The following KDM5C variants were observed in gnomAD, a reference collection of about 807,000 sequenced individuals.
The protein encoded by KDM5C is lysine demethylase 5C, also known as lysine-specific demethylase 5C.
Under a neutral mutation model 110.6 loss-of-function variants are expected in KDM5C, and 16 were observed. That is an observed-to-expected ratio of 0.14 (90% CI 0.10 to 0.22). The LOEUF is 0.22. Ranked by LOEUF, KDM5C falls within the 10% of genes least tolerant of loss-of-function variation. The pLI, the probability that KDM5C is intolerant of heterozygous loss-of-function variation, is 1.00. For missense variants in KDM5C, 681 were observed against 1,300.9 expected (o/e 0.52, Z 7.33); for synonymous variants, 511 against 520.4 (o/e 0.98, Z 0.24).
chrX:53,195,208 T>A (rs368155745), intron 21 of KDM5C, 23 bp downstream of exon 21: 4 of 1,190,116 alleles, frequency 3.4e-6, no homozygotes, highest in Non-Finnish European at 4.5e-6. Context: ...AGAGACGCTG[T>A]AGGTCAAGGT....
intron 5 of KDM5C, 134 bp from the exon 6 acceptor site, chrX:53,216,331 A>C: frequency 7.4e-6 from 7 of 945,256 alleles, no homozygotes; most frequent in Non-Finnish European, 1.0e-5. Context: ...TAAGCCAAGA[A>C]CTCAGAGTTG....
chrX:53,182,824 T>C (rs1397047957), intron 25 of KDM5C, among the ~76,000 whole-genome samples: 2 of 112,542 alleles, frequency 1.8e-5, no homozygotes, highest in Non-Finnish European at 3.7e-5. Context: ...TGTCCTTTGA[T>C]GCACAAAATT....
chrX:53,201,523 G>A (rs2073138580), intron 14 of KDM5C, 27 bp downstream of exon 14: 3 of 1,197,374 alleles, frequency 2.5e-6, no homozygotes, highest in Non-Finnish European at 3.4e-6. Flanking sequence ...CCAGAATAGG[G>A]TGCTTGATCT....
At chrX:53,191,414 T>C (rs1441429721), downstream of KDM5C, 3 of 173,949 alleles carry the variant, frequency 1.7e-5, no homozygotes, top group Non-Finnish European at 3.3e-5. Flanking sequence ...AGTTTCTTTC[T>C]GCAGTGATGA....
chrX:53,214,867 A>C lies in KDM5C; in HGVS notation c.964-20T>G. ...CTCAATCTGCCAGGGGAGAAGAGCAAAAGTTCTCCATTGGAAATCCACTGT... is the reference window on the plus strand; with the variant it reads ...CTCAATCTGCCAGGGGAGAAGAGCACAAGTTCTCCATTGGAAATCCACTGT... On this transcript the variant is annotated intron_variant, in intron 7 of 25. Transcript: ENST00000375401. 11 of 1,207,950 alleles carry C rather than the reference A, an allele frequency of 9.1e-6. No homozygotes were observed. The highest frequency in any genetic ancestry group is 1.2e-5 in the Non-Finnish European group (11 of 892,705).
Position 53,203,053 on chromosome X carries a change from G to A in KDM5C, c.1747-1080C>T, listed in dbSNP as rs782804538. Among the ~76,000 whole-genome samples, 91 of 110,942 alleles carry A rather than the reference G, an allele frequency of 8.2e-4. 1 individual carries two copies. The South Asian group carries it at 0.035, about 42-fold the overall frequency. On this transcript the variant is annotated intron_variant, in intron 12 of 25. Transcript: ENST00000375401. ...GATCTCCTGACCTCGTGATCCGCCC[G>A]CCTCGGCCTCCCAAAGTGCTGGGAT...
intron 12 of KDM5C, among the ~76,000 whole-genome samples, chrX:53,209,380 A>G: frequency 9.0e-6 from 1 of 111,212 alleles, no homozygotes; most frequent in East Asian, 2.8e-4. Flanking sequence ...CCTTGGTTAA[A>G]TATCACTAAA....
At chrX:53,197,926 T>A in intron 17 of KDM5C, 50 bp from the exon 18 acceptor site, 1 of 905,806 alleles carries the variant, frequency 1.1e-6, no homozygotes, top group Non-Finnish European at 1.6e-6. Flanking sequence ...GTGCCTTCCC[T>A]CCATGTCTAT....
chrX:53,193,017 G>T lies in KDM5C; in HGVS notation c.4633C>A (p.Pro1545Thr). The T allele has an allele frequency of 3.4e-6, 4 of 1,190,165 alleles. No homozygotes were observed. The highest frequency in any genetic ancestry group is 3.0e-5 in the East Asian group (1 of 33,500). ...TGTGGGCAGGGCAGATGCAGCCGGG[G>T]AGTCAGAGTGGAGAAAGGGGCCGAG... ...GPSAPFSTLT[P>T]RLHLPCPQQP... is the part of the protein sequence containing the mutation. Residue 1545 changes from proline (P) to threonine (T), a missense_variant, in exon 26 of 26, where the codon CCC becomes ACC. Pro to Thr is a conservative substitution (Grantham distance 38). Around this residue, in one of 14 missense-constraint regions of KDM5C, gnomAD observed 115 missense variants for 120.9 expected, o/e 0.95. Coordinates refer to ENST00000375401, the MANE Select transcript of KDM5C (RefSeq NM_004187.5).
At chrX:53,194,051 T>C in intron 23 of KDM5C, 88 bp downstream of exon 23, 1 of 1,119,320 alleles carries the variant, frequency 8.9e-7, no homozygotes. Flanking sequence ...AACTGAAAAT[T>C]GGAGAACAAG....
In KDM5C at chrX:53,217,341, C is replaced by T. The variant is rs2073774427; in HGVS notation, c.523-64G>A. 3 of 1,169,894 alleles carry T rather than the reference C, an allele frequency of 2.6e-6. No homozygotes were observed. The African/African-American group carries it at 5.3e-5, about 20-fold the overall frequency. ...CCAGCCCGCAAAAGCAATAACTTCC[C>T]TCTACCCTCACCCAATGGCATCCAA... is the stretch of plus-strand genomic sequence containing the variant. On this transcript the variant is annotated intron_variant, in intron 4 of 25. Transcript: ENST00000375401.
At chrX:53,194,783 C>T (rs1466579167) in intron 22 of KDM5C, 45 bp from the exon 23 acceptor site, 2 of 1,205,560 alleles carry the variant, frequency 1.7e-6, no homozygotes, top group African/African-American at 3.5e-5. Context: ...CAGCCTACCC[C>T]TTCCCTTCTC....
At chrX:53,197,707 C>A (rs2072999969) in intron 18 of KDM5C, 64 bp downstream of exon 18, 1 of 915,797 alleles carries the variant, frequency 1.1e-6, no homozygotes, top group Non-Finnish European at 1.6e-6. Flanking sequence ...AGGAGCCAAG[C>A]ATGGCCTGCT....
chrX:53,185,801 C>T (rs1040564631), intron 25 of KDM5C, among the ~76,000 whole-genome samples: 1 of 111,796 alleles, frequency 8.9e-6, no homozygotes, highest in African/African-American at 3.3e-5. Context: ...CCCCAATAAT[C>T]TTCTACTCTG....
intron 12 of KDM5C, among the ~76,000 whole-genome samples, chrX:53,206,116 G>T (rs2073320392): frequency 8.9e-6 from 1 of 112,208 alleles, no homozygotes; most frequent in Non-Finnish European, 1.9e-5. Context: ...AACTCAAAAG[G>T]TTCATCAACT....
At chrX:53,218,765 A>C in intron 2 of KDM5C, 3 of 288,196 alleles carry the variant, frequency 1.0e-5, no homozygotes, top group Non-Finnish European at 2.0e-5. Flanking sequence ...TGTAGCAATG[A>C]AGTTTCACCA....
chrX:53,181,694 A>AAAAAAG (rs1934057815), intron 25 of KDM5C, among the ~76,000 whole-genome samples: 1 of 108,993 alleles, frequency 9.2e-6, no homozygotes, highest in Non-Finnish European at 1.9e-5. Flanking sequence ...AAAAAAAAAA[A>AAAAAAG]AAAAAGAAAA....
rs370077235 is a variant in KDM5C, at chrX:53,210,552, C to G, written c.1608G>C (p.Gly536=). ...AATGTTCTGCTGCAAGTGAGGGCAC[C>G]CCATACCAGGTCTTCGGCTCACCCC... The part of the protein sequence containing the change: ...LHWGEPKTWY[G]VPSLAAEHLE... Residue 536 remains glycine (G), a synonymous_variant, in exon 12 of 26, where the codon GGG becomes GGC. Transcript: ENST00000375401. 1 of 1,210,144 alleles carries G rather than the reference C, an allele frequency of 8.3e-7. No homozygotes were observed. Among genetic ancestry groups the G allele is most frequent in the African/African-American group, 1.8e-5 (1 of 57,139 alleles).
Position 53,213,513 on chromosome X carries a change from A to C in KDM5C, c.1122+1176T>G, listed in dbSNP as rs953139937. On this transcript the variant is annotated intron_variant, in intron 8 of 25. Transcript: ENST00000375401. ...TGGGTGAAGGTAGGAAGTTCATGAA[A>C]TGTACCTGCCCAACTTCCTGGCTGC... Among the ~76,000 whole-genome samples, 3 of 111,503 alleles carry C rather than the reference A, an allele frequency of 2.7e-5. 1 individual carries two copies. In the South Asian group the frequency reaches 1.1e-3, roughly 43 times the overall value.
Sources: allele counts gnomAD v4.1 joint callset (sites outside exome capture counted in the v4.1 genomes callset), GRCh38; gene constraint gnomAD v4.1.1; regional missense constraint gnomAD v4.1.1; transcripts MANE v1.5; gene names NCBI Gene and HGNC (gene_info 2026-07-23, HGNC 2026-07-21).